The following CSMD1 variants were observed in gnomAD, a reference collection of about 807,000 sequenced individuals.
CSMD1 encodes the protein CUB and Sushi multiple domains 1.
In CSMD1, 213 loss-of-function variants were observed where a neutral mutation model predicts 417.5. The observed-to-expected ratio is 0.51, with a 90% CI of 0.46 to 0.57. The LOEUF is 0.57. CSMD1 is among the 20% of genes least tolerant of loss of function. CSMD1 has a pLI of 0.00. For missense variants in CSMD1, 6,923 were observed against 4,529.7 expected (o/e 1.53, Z -15.17); for synonymous variants, 2,862 against 1,736.8 (o/e 1.65, Z -16.11).
At chr8:4,592,554 T>C (rs1257610556) in intron 2 of CSMD1, among the ~76,000 whole-genome samples, 1 of 151,960 alleles carries the variant, frequency 6.6e-6, no homozygotes, top group African/African-American at 2.4e-5. Context: ...GCCCAGCTAA[T>C]TTTTGTATTT....
intron 2 of CSMD1, among the ~76,000 whole-genome samples, chr8:4,624,138 A>G (rs577514172): frequency 6.6e-6 from 1 of 152,256 alleles, no homozygotes; most frequent in African/African-American, 2.4e-5. Context: ...CTAATTTAGG[A>G]AACCAAAATA....
chr8:3,399,683 T>C (rs970334725), intron 15 of CSMD1, among the ~76,000 whole-genome samples, 154 bp from the exon 16 acceptor site: 3 of 152,328 alleles, frequency 2.0e-5, no homozygotes, highest in African/African-American at 7.2e-5. Context: ...ACTGTACATT[T>C]ATTGAAAGCA....
chr8:3,970,955 T>C (rs1451375855), intron 5 of CSMD1, among the ~76,000 whole-genome samples: 1 of 152,128 alleles, frequency 6.6e-6, no homozygotes, highest in Admixed American at 6.6e-5. Context: ...TTCACCATGT[T>C]GGCCGGGCTG....
intron 2 of CSMD1, among the ~76,000 whole-genome samples, chr8:4,558,496 C>G (rs1164652384): frequency 6.6e-6 from 1 of 152,128 alleles, no homozygotes; most frequent in African/African-American, 2.4e-5. Context: ...TACAATTATT[C>G]TCATGGGATT....
In CSMD1 at chr8:4,637,656, T is replaced by G. The variant is rs1354422123; in HGVS notation, c.86-98A>C. 9 of 333,380 alleles carry G rather than the reference T, an allele frequency of 2.7e-5. 1 individual carries two copies. The highest frequency in any genetic ancestry group is 1.3e-4 in the South Asian group (3 of 23,186). The allele number at this position is 333,380 out of a possible 1,614,324, so 20.7% of individuals were successfully genotyped here. ...AACACTTTAGCCAATTTTTTTTTTT[T>G]TTTTTTTTTTTTTTTTTTTTTTTTT... On this transcript the variant is annotated intron_variant, in intron 1 of 69. Coordinates refer to ENST00000635120, the MANE Select transcript of CSMD1 (RefSeq NM_033225.6).
In CSMD1 at chr8:3,124,396, G is replaced by A. The variant is rs574819795; in HGVS notation, c.6242-5809C>T. Among the ~76,000 whole-genome samples, 6 of 152,252 alleles carry A rather than the reference G, an allele frequency of 3.9e-5. No homozygotes were observed. The South Asian group carries it at 1.2e-3, about 32-fold the overall frequency. ...TTGAAGTAAAGAAAATATAAAACCT[G>A]GTTAAGGTTATGCAGTAGTGGTCAA... is the stretch of plus-strand genomic sequence containing the variant. On this transcript the variant is annotated intron_variant, in intron 41 of 69. Transcript: ENST00000635120.
intron 1 of CSMD1, among the ~76,000 whole-genome samples, chr8:4,728,489 C>T (rs541168352): frequency 2.6e-5 from 4 of 152,124 alleles, no homozygotes; most frequent in East Asian, 3.9e-4. Context: ...TGCCATGTAG[C>T]AGGTTCTCAG....
chr8:4,886,108 A>T (rs1385856935), intron 1 of CSMD1, among the ~76,000 whole-genome samples: 1 of 152,104 alleles, frequency 6.6e-6, no homozygotes, highest in Non-Finnish European at 1.5e-5. Context: ...CTCCTGCCTC[A>T]GCCTCCTGAG....
At chr8:4,305,853 C>T (rs1798213723) in intron 3 of CSMD1, among the ~76,000 whole-genome samples, 1 of 152,114 alleles carries the variant, frequency 6.6e-6, no homozygotes. Context: ...TTGTATGGAT[C>T]CCCTTCCAGT....
At chr8:4,943,111 T>G (rs1002510213) in intron 1 of CSMD1, among the ~76,000 whole-genome samples, 10 of 152,194 alleles carry the variant, frequency 6.6e-5, no homozygotes, top group Non-Finnish European at 1.0e-4. Context: ...ATTTTACAAT[T>G]TGAAGGAATT....
chr8:3,456,941 G>T (rs893167183), intron 12 of CSMD1, among the ~76,000 whole-genome samples: 1 of 151,816 alleles, frequency 6.6e-6, no homozygotes, highest in Non-Finnish European at 1.5e-5. Flanking sequence ...CTGCTGCACT[G>T]TCTCACCCTA....
intron 5 of CSMD1, among the ~76,000 whole-genome samples, chr8:3,893,593 C>T (rs1203586280): frequency 6.6e-6 from 1 of 151,866 alleles, no homozygotes; most frequent in Non-Finnish European, 1.5e-5. Context: ...TAGCTCCAGT[C>T]CCATCTCCAC....
intron 11 of CSMD1, among the ~76,000 whole-genome samples, chr8:3,477,056 A>T (rs112816122): frequency 8.5e-5 from 13 of 152,206 alleles, no homozygotes; most frequent in African/African-American, 2.9e-4. Flanking sequence ...ACACAGATCT[A>T]TACATGTATT....
intron 3 of CSMD1, among the ~76,000 whole-genome samples, chr8:4,318,936 C>G (rs750749200): frequency 5.5e-4 from 84 of 152,206 alleles, no homozygotes; most frequent in Non-Finnish European, 9.3e-4. Context: ...ATTTTACTCT[C>G]TTTATTAAAA....
In CSMD1 at chr8:3,553,286, C is replaced by T. The variant is rs527888110; in HGVS notation, c.1344+21659G>A. Among the ~76,000 whole-genome samples, 6 of 152,278 alleles carry T rather than the reference C, an allele frequency of 3.9e-5. No homozygotes were observed. The South Asian group carries it at 1.0e-3, about 26-fold the overall frequency. On this transcript the variant is annotated intron_variant, in intron 10 of 69. Coordinates refer to ENST00000635120, the MANE Select transcript of CSMD1 (RefSeq NM_033225.6). ...GAGCTGCAGGCACACCGTCAGCACA[C>T]GCTTGGTGAAATGGAGACATGAGAG... is the stretch of plus-strand genomic sequence containing the variant.
chr8:3,589,019 C>T (rs1047740305), intron 8 of CSMD1, among the ~76,000 whole-genome samples: 1 of 152,062 alleles, frequency 6.6e-6, no homozygotes, highest in African/African-American at 2.4e-5. Context: ...CAAATTAAAA[C>T]CACAGTGAGA....
intron 41 of CSMD1, among the ~76,000 whole-genome samples, chr8:3,121,921 A>G (rs1257768849): frequency 6.6e-6 from 1 of 152,204 alleles, no homozygotes; most frequent in Non-Finnish European, 1.5e-5. Flanking sequence ...ATAAGTTCAA[A>G]TAAAGTTATT....
chr8:3,713,855 A>C (rs1801667617), intron 6 of CSMD1, among the ~76,000 whole-genome samples: 1 of 152,192 alleles, frequency 6.6e-6, no homozygotes, highest in Admixed American at 6.6e-5. Flanking sequence ...AAAAATATAA[A>C]TCTTGTGTCT....
chr8:4,590,778 G>C (rs1277207214), intron 2 of CSMD1, among the ~76,000 whole-genome samples: 3 of 152,212 alleles, frequency 2.0e-5, no homozygotes, highest in East Asian at 3.9e-4. Context: ...TAGTAACTAA[G>C]ATTTTGGAAA....
Sources: allele counts gnomAD v4.1 joint callset (sites outside exome capture counted in the v4.1 genomes callset), GRCh38; gene constraint gnomAD v4.1.1; transcripts MANE v1.5; gene names NCBI Gene and HGNC (gene_info 2026-07-23, HGNC 2026-07-21).